The following LYZL4 variants were observed in gnomAD, a reference collection of about 807,000 sequenced individuals.
The protein encoded by LYZL4 is lysozyme-like protein 4.
Under a neutral mutation model 17.6 loss-of-function variants are expected in LYZL4, and 13 were observed. That is an observed-to-expected ratio of 0.74 (90% CI 0.48 to 1.18). LYZL4 has a LOEUF of 1.18. Ranked by LOEUF, LYZL4 falls within the 50% of genes most tolerant of loss-of-function variation. The probability of loss-of-function intolerance (pLI) is 0.00; values close to 1 mark genes in which losing one functional copy is unlikely to be tolerated. For missense variants in LYZL4, 174 were observed against 188.2 expected (o/e 0.92, Z 0.44); for synonymous variants, 64 against 67.7 (o/e 0.95, Z 0.27).
chr3:42,397,261 G>C lies in LYZL4; in HGVS notation c.*4C>G. The C allele has an allele frequency of 6.4e-7, 1 of 1,558,572 alleles. No individual in the cohort carries two copies. The highest frequency in any genetic ancestry group is 1.4e-5 in the African/African-American group (1 of 73,480). On this transcript the variant is annotated 3_prime_UTR_variant, in exon 5 of 5. Coordinates refer to ENST00000287748, the MANE Select transcript of LYZL4 (RefSeq NM_144634.4). ...GGTGAGTGCTGCAGGGGCCATGCAG[G>C]TGGCTACAGCTTGCAACCATCCAGC...
intron 3 of LYZL4, 63 bp from the exon 4 acceptor site, chr3:42,404,187 C>A (rs40416): frequency 0.26 from 285,115 of 1,082,652 alleles, 40,617 homozygotes; most frequent in Middle Eastern, 0.31. Flanking sequence ...AGAGTGATGT[C>A]AGGGAAGGTA....
the LYZL4 span, among the ~76,000 whole-genome samples, chr3:42,392,066 T>G: frequency 0.024 from 3,607 of 152,194 alleles, 159 homozygotes; most frequent in African/African-American, 0.083. Flanking sequence ...GAGACAGGGT[T>G]TCGCCATGTT....
intron 4 of LYZL4, among the ~76,000 whole-genome samples, chr3:42,398,198 C>T (rs1232783938): frequency 6.6e-6 from 1 of 152,124 alleles, no homozygotes; most frequent in African/African-American, 2.4e-5. Context: ...TCCTTGGGGC[C>T]ATGTGTGATC....
chr3:42,407,466 C>A, intron 1 of LYZL4, 123 bp from the exon 2 acceptor site: 1 of 614,240 alleles, frequency 1.6e-6, no homozygotes, highest in Non-Finnish European at 2.8e-6. Context: ...TCTGGGACAC[C>A]TGAAACTCTG....
Position 42,397,250 on chromosome 3 carries a change from G to C in LYZL4, c.*15C>G. On this transcript the variant is annotated 3_prime_UTR_variant, in exon 5 of 5. Transcript: ENST00000287748. ...AAGATGCAACTGGTGAGTGCTGCAG[G>C]GGCCATGCAGGTGGCTACAGCTTGC... is the stretch of plus-strand genomic sequence containing the variant. 6.5e-7 allele frequency: 1 copy of C among 1,547,074 alleles called. No individual in the cohort carries two copies.
At chr3:42,375,518 A>G in the LYZL4 span, among the ~76,000 whole-genome samples, 1 of 152,174 alleles carries the variant, frequency 6.6e-6, no homozygotes, top group East Asian at 1.9e-4. Context: ...TCTTGTCTAC[A>G]TAATAGGATT....
chr3:42,383,922 G>A, the LYZL4 span, among the ~76,000 whole-genome samples: 1 of 152,090 alleles, frequency 6.6e-6, no homozygotes, highest in Admixed American at 6.6e-5. Context: ...GAATTCCAGG[G>A]AGAATCAAAA....
intron 4 of LYZL4, among the ~76,000 whole-genome samples, chr3:42,400,879 G>T (rs574789328): frequency 7.4e-4 from 113 of 152,300 alleles, no homozygotes; most frequent in Non-Finnish European, 1.5e-3. Context: ...GGAGATGGTA[G>T]CAGTGTAAGC....
At chr3:42,374,622 C>T in the LYZL4 span, among the ~76,000 whole-genome samples, 313 of 152,268 alleles carry the variant, frequency 2.1e-3, 1 homozygote, top group Non-Finnish European at 3.4e-3. Flanking sequence ...TGAAAAATTA[C>T]AGAATCAACA....
At chr3:42,365,586 T>C in the LYZL4 span, among the ~76,000 whole-genome samples, 1 of 152,164 alleles carries the variant, frequency 6.6e-6, no homozygotes, top group Non-Finnish European at 1.5e-5. Flanking sequence ...GAGCCTCTAA[T>C]TGTACCCTGT....
chr3:42,382,492 T>G, the LYZL4 span, among the ~76,000 whole-genome samples: 1 of 152,090 alleles, frequency 6.6e-6, no homozygotes, highest in Non-Finnish European at 1.5e-5. Flanking sequence ...TGAGGTACAC[T>G]AGCTAGCGTG....
Position 42,407,179 on chromosome 3 carries a change from A to C in LYZL4, c.73T>G (p.Cys25Gly). The C allele has an allele frequency of 6.2e-7, 1 of 1,614,188 alleles. No individual in the cohort carries two copies. Among genetic ancestry groups the C allele is most frequent in the Non-Finnish European group, 8.5e-7 (1 of 1,180,034 alleles). ...VPSGAYILGR[C>G]TVAKKLHDGG... Reference sequence around the variant, plus strand: ...TCGTGGAGTTTCTTAGCCACTGTGCAACGCCCCAAGATGTAAGCACCACTT... The same window carrying C: ...TCGTGGAGTTTCTTAGCCACTGTGCCACGCCCCAAGATGTAAGCACCACTT... Residue 25 changes from cysteine to glycine, a missense_variant, in exon 2 of 5, where the codon TGC becomes GGC. Physicochemically the swap from Cys to Gly is radical, Grantham distance 159 (BLOSUM62 -3). Transcript: ENST00000287748.
chr3:42,407,188 A>G lies in LYZL4; in HGVS notation c.64T>C (p.Leu22=), dbSNP rs17074414. 7.9e-3 allele frequency: 12,674 copies of G among 1,614,148 alleles called. 585 individuals carry two copies. The African/African-American group carries it at 0.12, about 15-fold the overall frequency. Residue 22 remains leucine (L), a synonymous_variant, in exon 2 of 5, where the codon TTG becomes CTG. Transcript: ENST00000287748. Reference sequence around the variant, plus strand: ...TTCTTAGCCACTGTGCAACGCCCCAAGATGTAAGCACCACTTGGAACCACC... The same window carrying G: ...TTCTTAGCCACTGTGCAACGCCCCAGGATGTAAGCACCACTTGGAACCACC... ...YLVVPSGAYI[L]GRCTVAKKLH...
chr3:42,393,057 A>G (rs563566310), downstream of LYZL4, among the ~76,000 whole-genome samples: 14 of 152,212 alleles, frequency 9.2e-5, no homozygotes, highest in African/African-American at 3.1e-4. Flanking sequence ...TCAGTGAATG[A>G]GGGGCAGGAA....
chr3:42,380,898 T>C, the LYZL4 span, among the ~76,000 whole-genome samples: 46 of 152,336 alleles, frequency 3.0e-4, no homozygotes, highest in African/African-American at 1.1e-3. Context: ...ACCAACTTTG[T>C]ATTTGGCCAT....
At chr3:42,382,414 A>C in the LYZL4 span, among the ~76,000 whole-genome samples, 55 of 152,130 alleles carry the variant, frequency 3.6e-4, no homozygotes, top group Middle Eastern at 3.4e-3. Flanking sequence ...ATTCCAATCT[A>C]TTCCAGAGTA....
At chr3:42,379,912 G>A in the LYZL4 span, among the ~76,000 whole-genome samples, 1 of 152,156 alleles carries the variant, frequency 6.6e-6, no homozygotes, top group African/African-American at 2.4e-5. Context: ...CTTACAAAAA[G>A]GGAAGGAAAC....
At chr3:42,407,047 G>T (rs1698768703) in intron 2 of LYZL4, 49 bp from the exon 3 acceptor site, 1 of 1,613,754 alleles carries the variant, frequency 6.2e-7, no homozygotes, top group Non-Finnish European at 8.5e-7. Flanking sequence ...TGGAGTTGGG[G>T]ATGCTTGGCC....
chr3:42,395,095 G>C (rs116847849), downstream of LYZL4, among the ~76,000 whole-genome samples: 899 of 152,298 alleles, frequency 5.9e-3, 22 homozygotes, highest in East Asian at 0.053. Flanking sequence ...CTTCTCTAGA[G>C]AGGAGGGAAA....
Sources: gnomAD v4.1 joint callset for allele counts (sites outside exome capture counted in the v4.1 genomes callset) on GRCh38, gnomAD v4.1.1 for gene constraint, MANE v1.5 for transcripts, NCBI Gene and HGNC (gene_info 2026-07-23, HGNC 2026-07-21) for gene names.